Variants in FLNC observed in about 807,000 individuals in gnomAD.
The protein encoded by FLNC is filamin-C.
Under a neutral mutation model 254.3 loss-of-function variants are expected in FLNC, and 91 were observed. The observed-to-expected ratio is 0.36, with a 90% CI of 0.30 to 0.43. The LOEUF is 0.43. Among genes scored for constraint, FLNC ranks in the 20% least tolerant of loss-of-function variants. The pLI is 1.00. For synonymous variants in FLNC, 1,430 were observed against 1,577.2 expected (o/e 0.91, Z 2.21); for missense variants, 2,853 against 3,802.6 (o/e 0.75, Z 6.57).
In FLNC at chr7:128,847,957, C is replaced by T; in HGVS notation, c.4469C>T (p.Pro1490Leu). The change falls in exon 26 of 48, where the codon CCT (proline) becomes CTT (leucine). Residue 1490 changes from proline (P) to leucine (L), a missense_variant. By Grantham distance (98) the Pro-to-Leu change is moderately conservative (BLOSUM62 -3). Coordinates refer to ENST00000325888, the MANE Select transcript of FLNC (RefSeq NM_001458.5). ...AVLGPTGVAE[P>L]VEVRDNGDGT... ...GCCCCTTGCCCAGGTGTGGCCGAGC[C>T]TGTGGAGGTGCGGGACAATGGAGAT... 1.2e-6 allele frequency: 2 copies of T among 1,613,606 alleles called. No homozygotes were observed. The highest frequency in any genetic ancestry group is 2.2e-5 in the East Asian group (1 of 44,882).
At chr7:128,850,284 A>G in intron 31 of FLNC, 100 bp from the exon 32 acceptor site, 4 of 1,097,826 alleles carry the variant, frequency 3.6e-6, no homozygotes, top group Non-Finnish European at 5.6e-6. Context: ...TTTCATGATT[A>G]ACTACCTTGT....
chr7:128,832,305 A>G (rs1807923892), intron 1 of FLNC, among the ~76,000 whole-genome samples: 1 of 152,156 alleles, frequency 6.6e-6, no homozygotes, highest in African/African-American at 2.4e-5. Flanking sequence ...CAGAAGGACA[A>G]GGCTGAGGGC....
Position 128,844,740 on chromosome 7 carries a change from C to A in FLNC, c.3275C>A (p.Thr1092Lys), listed in dbSNP as rs1405189650. 1 of 1,613,982 alleles carries A rather than the reference C, an allele frequency of 6.2e-7. No homozygotes were observed. Among genetic ancestry groups the A allele is most frequent in the Non-Finnish European group, 8.5e-7 (1 of 1,180,030 alleles). ...TCCATCGACACCAAGGGGGCTGGCA[C>A]AGGTGGCCTGGGGCTGACCGTAGAG... is the stretch of plus-strand genomic sequence containing the variant. ...PFSIDTKGAG[T>K]GGLGLTVEGP... Residue 1092 changes from threonine to lysine, a missense_variant, in exon 21 of 48, where the codon ACA becomes AAA. This residue lies in a region of FLNC where 1,573 missense variants were observed against 1,883.5 expected (regional missense o/e 0.84). Coordinates refer to ENST00000325888, the MANE Select transcript of FLNC (RefSeq NM_001458.5).
At position 128,842,169 on chromosome 7, in the gene FLNC, G is replaced by A. The variant is rs558676567; in HGVS notation, c.2122-62G>A. On this transcript the variant is annotated intron_variant, in intron 13 of 47. Coordinates refer to ENST00000325888, the MANE Select transcript of FLNC (RefSeq NM_001458.5). The surrounding 1 kb of genome is among the most constrained non-coding windows in gnomAD (Gnocchi z 5.4). ...GAAAGGAGGCGCTGGGTTCACCTGC[G>A]GCCAGCAGAGGGCGCTCTGCAGAGG... 1.8e-5 allele frequency: 28 copies of A among 1,570,126 alleles called. No homozygotes were observed. The highest frequency in any genetic ancestry group is 8.1e-5 in the African/African-American group (6 of 73,970).
In FLNC at chr7:128,839,609, C is replaced by T. The variant is rs80282971; in HGVS notation, c.1412-414C>T. ...GTTGCCTGTGTTGTATGGCAGGCTTCGAGTTCTATGAAGTAGCCCTTGTTC... is the reference window on the plus strand; with the variant it reads ...GTTGCCTGTGTTGTATGGCAGGCTTTGAGTTCTATGAAGTAGCCCTTGTTC... On this transcript the variant is annotated intron_variant, in intron 8 of 47. Coordinates refer to ENST00000325888, the MANE Select transcript of FLNC (RefSeq NM_001458.5). Among the ~76,000 whole-genome samples the T allele has an allele frequency of 6.6e-3, 1,011 of 152,320 alleles. 5 individuals are homozygous for T. The highest frequency in any genetic ancestry group is 0.013 in the Admixed American group (195 of 15,294).
chr7:128,849,671 G>C (rs1808722737), intron 30 of FLNC, 93 bp downstream of exon 30: 10 of 1,507,674 alleles, frequency 6.6e-6, no homozygotes, highest in Non-Finnish European at 6.3e-6. Flanking sequence ...TGTCCCCAAG[G>C]AATCCCACTT....
intron 8 of FLNC, among the ~76,000 whole-genome samples, chr7:128,839,499 G>A (rs1808241124): frequency 6.6e-6 from 1 of 152,248 alleles, no homozygotes; most frequent in Non-Finnish European, 1.5e-5. Flanking sequence ...GGCAGGCTGA[G>A]ATTCCCATTC....
At position 128,835,704 on chromosome 7, in the gene FLNC, G is replaced by A; in HGVS notation, c.601+130G>A. 2 of 1,042,384 alleles carry A rather than the reference G, an allele frequency of 1.9e-6. No individual in the cohort carries two copies. Among genetic ancestry groups the A allele is most frequent in the South Asian group, 1.4e-5 (1 of 71,332 alleles). 64.6% of individuals were successfully genotyped at this position (1,042,384 alleles called of 1,614,324 possible). ...CCTGGGGGCCAGGATCCCCTGCAGGGTTTGTCCTCCTCCAGCTGTGGCTCT... is the reference window on the plus strand; with the variant it reads ...CCTGGGGGCCAGGATCCCCTGCAGGATTTGTCCTCCTCCAGCTGTGGCTCT... On this transcript the variant is annotated intron_variant, in intron 2 of 47. Transcript: ENST00000325888. This position sits in a 1 kb window ranked among gnomAD's most constrained non-coding sequence, Gnocchi z 5.3.
At chr7:128,843,162 C>T (rs1808409759) in intron 16 of FLNC, 67 bp from the exon 17 acceptor site, 1 of 1,481,844 alleles carries the variant, frequency 6.7e-7, no homozygotes, top group African/African-American at 1.4e-5. Flanking sequence ...TGTCCTGAGC[C>T]AGCATCTAGC....
intron 43 of FLNC, among the ~76,000 whole-genome samples, chr7:128,855,764 C>G (rs974657414): frequency 5.9e-5 from 9 of 152,222 alleles, no homozygotes; most frequent in African/African-American, 2.2e-4. Context: ...GGGGGCCTGG[C>G]TTGCTTTCTC....
rs368478867 is a variant in FLNC at position 128,851,337 on chromosome 7, T to C, written c.5645T>C (p.Ile1882Thr). ...GTCAACAAGCCAGCCACCTTCACTA[T>C]TGTCACCAAAGATGCTGGAGAAGGT... ...GMVNKPATFT[I>T]VTKDAGEGGL... is the part of the protein sequence containing the mutation. Residue 1882 changes from isoleucine to threonine, a missense_variant, in exon 34 of 48, where the codon ATT becomes ACT. Transcript: ENST00000325888. 2 of 1,613,976 alleles carry C rather than the reference T, an allele frequency of 1.2e-6. No homozygotes were observed. Among genetic ancestry groups the C allele is most frequent in the African/African-American group, 2.7e-5 (2 of 74,912 alleles).
chr7:128,848,075 ACCAGC>A lies in FLNC; in HGVS notation c.4580+10_4580+14del. The A allele has an allele frequency of 6.2e-7, 1 of 1,600,188 alleles. No individual in the cohort carries two copies. Among genetic ancestry groups the A allele is most frequent in the Non-Finnish European group, 8.5e-7 (1 of 1,173,124 alleles). ...ACCAGGAGGTGCCACGCAGGTGAGGACCAGCCCTGGGCTCCTGTGCTGCGGCTGAG... is the reference window on the plus strand; with the variant it reads ...ACCAGGAGGTGCCACGCAGGTGAGGACCTGGGCTCCTGTGCTGCGGCTGAG... On this transcript the variant is annotated splice_region_variant and intron_variant, in intron 26 of 47. Transcript: ENST00000325888.
At position 128,849,413 on chromosome 7, in the gene FLNC, G is replaced by A. The variant is rs1563000116; in HGVS notation, c.5034G>A (p.Val1678=). The part of the protein sequence containing the change: ...VDAKAAGEGK[V]TCTVSTPDGA... ...CCAAGGCAGCCGGTGAGGGGAAGGT[G>A]ACATGCACGGTGTCCACGCCGGATG... Residue 1678 remains valine (V), a synonymous_variant, in exon 30 of 48, where the codon GTG becomes GTA. Coordinates refer to ENST00000325888, the MANE Select transcript of FLNC (RefSeq NM_001458.5). 1.2e-6 allele frequency: 2 copies of A among 1,614,216 alleles called. No homozygotes were observed. The highest frequency in any genetic ancestry group is 2.2e-5 in the East Asian group (1 of 44,884).
rs377522797 is a variant in FLNC, at chr7:128,857,152, T to A, written c.7596T>A (p.Asn2532Lys). ...VSSEFIVNTL[N>K]AGSGALSVTI... Reference sequence around the variant, plus strand: ...CAGAGTTCATCGTGAACACCCTGAATGCCGGCTCGGGGGCCTTGTCTGTCA... The same window carrying A: ...CAGAGTTCATCGTGAACACCCTGAAAGCCGGCTCGGGGGCCTTGTCTGTCA... The change falls in exon 46 of 48, where the codon AAT (asparagine) becomes AAA (lysine). Residue 2532 changes from asparagine to lysine, a missense_variant. Coordinates refer to ENST00000325888, the MANE Select transcript of FLNC (RefSeq NM_001458.5). The surrounding 1 kb of genome is among the most constrained non-coding windows in gnomAD (Gnocchi z 4.5). 3 of 1,614,138 alleles carry A rather than the reference T, an allele frequency of 1.9e-6. No individual in the cohort carries two copies. The highest frequency in any genetic ancestry group is 2.2e-5 in the East Asian group (1 of 44,870).
intron 1 of FLNC, among the ~76,000 whole-genome samples, chr7:128,832,520 C>T (rs1310446462): frequency 6.6e-6 from 1 of 152,216 alleles, no homozygotes; most frequent in African/African-American, 2.4e-5. Flanking sequence ...CCTTCCCCTC[C>T]CCTCCAGTCT....
In FLNC at chr7:128,854,261, G is replaced by C. The variant is rs953136563; in HGVS notation, c.6727+45G>C. The C allele has an allele frequency of 2.5e-6, 4 of 1,603,614 alleles. No individual in the cohort carries two copies. The African/African-American group carries it at 5.3e-5, about 21-fold the overall frequency. On this transcript the variant is annotated intron_variant, in intron 40 of 47. Coordinates refer to ENST00000325888, the MANE Select transcript of FLNC (RefSeq NM_001458.5). ...CCGGCCGGGTCCTCACGGCGGGATG[G>C]GAGGGTGCTGCGGACCAGGCTTGAT...
Position 128,856,687 on chromosome 7 carries a change from C to T in FLNC, c.7384+37C>T, listed in dbSNP as rs767947558. ...CTGCCCCTGCCAACTCCCTTCCGGG[C>T]TGGGGCCTTCTGGGGAGGGGAAGGA... On this transcript the variant is annotated intron_variant, in intron 44 of 47. Coordinates refer to ENST00000325888, the MANE Select transcript of FLNC (RefSeq NM_001458.5). This position sits in a 1 kb window ranked among gnomAD's most constrained non-coding sequence, Gnocchi z 5.9. 1.2e-6 allele frequency: 2 copies of T among 1,613,844 alleles called. No individual in the cohort carries two copies. Among genetic ancestry groups the T allele is most frequent in the Admixed American group, 1.7e-5 (1 of 60,024 alleles).
chr7:128,841,572 G>T lies in FLNC; in HGVS notation c.2121+5G>T. The T allele has an allele frequency of 6.2e-7, 1 of 1,606,972 alleles. No individual in the cohort carries two copies. The highest frequency in any genetic ancestry group is 8.5e-7 in the Non-Finnish European group (1 of 1,173,454). The stretch of plus-strand genomic sequence containing the variant: ...GACCTGAAGCTCTATGCCCAGGTAG[G>T]TCATTGTCCAGTCTCTGCTGCCCTT... On this transcript the variant is annotated splice_donor_5th_base_variant and intron_variant, in intron 13 of 47. Transcript: ENST00000325888. The surrounding 1 kb of genome is among the most constrained non-coding windows in gnomAD (Gnocchi z 4.3).
At chr7:128,846,187 G>A (rs1179487627) in intron 22 of FLNC, 24 bp downstream of exon 22, 4 of 1,613,556 alleles carry the variant, frequency 2.5e-6, no homozygotes, top group South Asian at 1.1e-5. Context: ...GGCCAGGCTA[G>A]TGGGCAGGGC....
Sources: gnomAD v4.1 joint callset for allele counts (sites outside exome capture counted in the v4.1 genomes callset) on GRCh38, gnomAD v4.1.1 for gene constraint, gnomAD v4.1.1 regional missense constraint, Gnocchi (gnomAD v3.1) non-coding constraint, MANE v1.5 for transcripts, NCBI Gene and HGNC (gene_info 2026-07-23, HGNC 2026-07-21) for gene names.